Variants in PSD3 observed in about 807,000 individuals in gnomAD.
The protein encoded by PSD3 is PH and SEC7 domain-containing protein 3.
A neutral mutation model predicts 105.5 loss-of-function variants in PSD3; 49 were observed. The observed-to-expected ratio is 0.46, with a 90% CI of 0.37 to 0.59. PSD3 has a LOEUF of 0.59. Ranked by LOEUF, PSD3 falls within the 20% of genes least tolerant of loss-of-function variation. The pLI is 0.00. For missense variants in PSD3, 1,561 were observed against 1,263.8 expected (o/e 1.24, Z -3.57); for synonymous variants, 557 against 457.8 (o/e 1.22, Z -2.77).
At chr8:18,966,441 C>A (rs184168049) in intron 1 of PSD3, among the ~76,000 whole-genome samples, 1 of 152,056 alleles carries the variant, frequency 6.6e-6, no homozygotes, top group Admixed American at 6.6e-5. Context: ...TGTGGTGGTG[C>A]ACGCCTGTAA....
chr8:18,924,572 A>G (rs1821242426), intron 2 of PSD3: 1 of 152,206 alleles, frequency 6.6e-6, no homozygotes, highest in Admixed American at 6.5e-5. Context: ...TATTTGTGGT[A>G]TTCTATCCCA....
At chr8:18,683,706 C>T in intron 9 of PSD3, 3 of 735,622 alleles carry the variant, frequency 4.1e-6, no homozygotes, top group South Asian at 2.9e-5. Flanking sequence ...TAGACACTGC[C>T]AAAGACTATC....
intron 14 of PSD3, among the ~76,000 whole-genome samples, chr8:18,566,178 A>G (rs1050391912): frequency 1.3e-5 from 2 of 152,134 alleles, no homozygotes; most frequent in Admixed American, 1.3e-4. Flanking sequence ...TAAAAATCTT[A>G]TCTTTAGAAA....
At chr8:18,792,042 C>A (rs1586010305) in intron 8 of PSD3, among the ~76,000 whole-genome samples, 1 of 151,944 alleles carries the variant, frequency 6.6e-6, no homozygotes. Context: ...AGAATGGCTA[C>A]ATTATTAAAA....
intron 10 of PSD3, among the ~76,000 whole-genome samples, chr8:18,647,906 T>C (rs1362785343): frequency 6.6e-6 from 1 of 152,170 alleles, no homozygotes; most frequent in Non-Finnish European, 1.5e-5. Context: ...GCTCCGGCCA[T>C]GTGAAGTGCC....
At chr8:18,772,985 C>T (rs1239954508) in intron 8 of PSD3, among the ~76,000 whole-genome samples, 2 of 152,050 alleles carry the variant, frequency 1.3e-5, no homozygotes, top group Non-Finnish European at 2.9e-5. Flanking sequence ...TGTAGGTTGC[C>T]TTTACACACC....
At chr8:19,027,575 T>G (rs1253377950) in intron 1 of PSD3, among the ~76,000 whole-genome samples, 2 of 152,186 alleles carry the variant, frequency 1.3e-5, no homozygotes, top group Non-Finnish European at 2.9e-5. Context: ...CCCTGCAAAG[T>G]TCCACGCCCC....
chr8:18,612,081 C>T (rs189098771), intron 11 of PSD3, among the ~76,000 whole-genome samples: 41 of 152,142 alleles, frequency 2.7e-4, no homozygotes, highest in Non-Finnish European at 4.1e-4. Context: ...ACAAGCTGTA[C>T]GGAAAAGAAA....
At position 18,590,286 on chromosome 8, in the gene PSD3, C is replaced by A. The variant is rs574669931; in HGVS notation, c.2481+10078G>T. ...ATCTCAGTGGTGCAAGCGTGCATAC[C>A]ATGAGGGGTCGCCATCTGATTCAGT... On this transcript the variant is annotated intron_variant, in intron 12 of 15. Transcript: ENST00000327040. 3.3e-5 allele frequency among the ~76,000 whole-genome samples: 5 copies of A among 152,192 alleles called. No individual in the cohort carries two copies. In the South Asian group the frequency reaches 1.0e-3, roughly 32 times the overall value.
intron 9 of PSD3, among the ~76,000 whole-genome samples, chr8:18,761,025 TCTTC>T (rs1285725561): frequency 2.0e-5 from 3 of 152,186 alleles, no homozygotes; most frequent in Non-Finnish European, 1.5e-5. Flanking sequence ...CCTCAAAGGT[TCTTC>T]AAGATTCCAG....
intron 13 of PSD3, among the ~76,000 whole-genome samples, chr8:18,573,149 C>G (rs11780936): frequency 0.27 from 41,739 of 152,058 alleles, 6,828 homozygotes; most frequent in East Asian, 0.46. Context: ...CAATTCTACT[C>G]CTAAGTAACT....
intron 15 of PSD3, among the ~76,000 whole-genome samples, chr8:18,553,552 G>C (rs993852679): frequency 1.3e-5 from 2 of 152,174 alleles, no homozygotes; most frequent in African/African-American, 4.8e-5. Flanking sequence ...TGGGAAAAAT[G>C]GTCAATAACT....
At chr8:18,538,291 T>C (rs1465353786) in intron 15 of PSD3, among the ~76,000 whole-genome samples, 2 of 152,228 alleles carry the variant, frequency 1.3e-5, no homozygotes, top group African/African-American at 2.4e-5. Flanking sequence ...CAGAATAGCA[T>C]GCTAAGCATT....
chr8:18,879,871 T>C (rs1818004653), intron 2 of PSD3, among the ~76,000 whole-genome samples: 1 of 152,184 alleles, frequency 6.6e-6, no homozygotes, highest in Non-Finnish European at 1.5e-5. Flanking sequence ...AGTGCTGGGA[T>C]TACGGCGTGA....
chr8:18,687,882 G>C (rs960766272), intron 9 of PSD3, among the ~76,000 whole-genome samples: 4 of 151,896 alleles, frequency 2.6e-5, no homozygotes, highest in Non-Finnish European at 5.9e-5. Context: ...TTCTCCCTGC[G>C]TCAGCCTCTG....
chr8:18,807,513 C>A (rs1056260578), intron 4 of PSD3, among the ~76,000 whole-genome samples: 8 of 152,104 alleles, frequency 5.3e-5, no homozygotes, highest in African/African-American at 1.9e-4. Flanking sequence ...GCTGGGAATA[C>A]GAAGTTAGGT....
chr8:18,810,419 T>C (rs1183838353), intron 4 of PSD3, among the ~76,000 whole-genome samples: 2 of 152,240 alleles, frequency 1.3e-5, no homozygotes, highest in Admixed American at 6.5e-5. Context: ...TAGAATACTA[T>C]TGCCTGTATA....
intron 15 of PSD3, among the ~76,000 whole-genome samples, chr8:18,548,385 T>G (rs1800572901): frequency 6.6e-6 from 1 of 152,218 alleles, no homozygotes; most frequent in South Asian, 2.1e-4. Flanking sequence ...AGGATTGTGT[T>G]ACTTAACGTC....
At chr8:18,538,502 C>G (rs183754886) in intron 15 of PSD3, among the ~76,000 whole-genome samples, 224 of 152,218 alleles carry the variant, frequency 1.5e-3, no homozygotes, top group Non-Finnish European at 2.6e-3. Context: ...GATTAAAAAA[C>G]AGAAAAGAAC....
Sources: allele counts gnomAD v4.1 joint callset (sites outside exome capture counted in the v4.1 genomes callset), GRCh38; gene constraint gnomAD v4.1.1; transcripts MANE v1.5; gene names NCBI Gene and HGNC (gene_info 2026-07-23, HGNC 2026-07-21).